The following AKR1D1 variants were observed in gnomAD, a reference collection of about 807,000 sequenced individuals.
The protein encoded by AKR1D1 is delta(4)-3-ketosteroid 5-beta-reductase.
Under a neutral mutation model 42.6 loss-of-function variants are expected in AKR1D1, and 32 were observed. The observed-to-expected ratio is 0.75, with a 90% CI of 0.57 to 1.01. AKR1D1 has a LOEUF of 1.01. Among genes scored for constraint, AKR1D1 ranks in the 50% least tolerant of loss-of-function variants. AKR1D1 has a pLI of 0.00. For missense variants in AKR1D1, 364 were observed against 402.2 expected (o/e 0.91, Z 0.81); for synonymous variants, 123 against 135.5 (o/e 0.91, Z 0.64).
At chr7:138,099,685 A>G (rs1794251741) in intron 4 of AKR1D1, among the ~76,000 whole-genome samples, 1 of 151,900 alleles carries the variant, frequency 6.6e-6, no homozygotes, top group African/African-American at 2.4e-5. Flanking sequence ...GGACTCTAAG[A>G]AAAAAGAAAG....
chr7:138,111,113 T>C (rs1488917621), intron 7 of AKR1D1, among the ~76,000 whole-genome samples: 1 of 152,150 alleles, frequency 6.6e-6, no homozygotes, highest in Non-Finnish European at 1.5e-5. Flanking sequence ...GAAATTGCAA[T>C]AACAACTTCC....
intron 8 of AKR1D1, among the ~76,000 whole-genome samples, chr7:138,116,201 G>C (rs1224305686): frequency 1.3e-5 from 2 of 152,120 alleles, no homozygotes; most frequent in Admixed American, 1.3e-4. Flanking sequence ...AGAAAAAAAT[G>C]CTAATCAGCA....
intron 3 of AKR1D1, among the ~76,000 whole-genome samples, chr7:138,095,303 TC>T (rs1794163179): frequency 6.6e-6 from 1 of 152,112 alleles, no homozygotes; most frequent in South Asian, 2.1e-4. Context: ...GTTGAGAAAT[TC>T]AAAGTGCTTA....
At chr7:138,089,263 A>C in intron 2 of AKR1D1, among the ~76,000 whole-genome samples, 1 of 151,860 alleles carries the variant, frequency 6.6e-6, no homozygotes, top group African/African-American at 2.4e-5. Context: ...AGGCAGGAGG[A>C]TGGCTTGAGC....
chr7:138,110,250 G>A (rs1481496462), intron 7 of AKR1D1, among the ~76,000 whole-genome samples: 1 of 151,634 alleles, frequency 6.6e-6, no homozygotes, highest in Non-Finnish European at 1.5e-5. Context: ...AGAATAAAGG[G>A]AAAAATAAAT....
intron 2 of AKR1D1, among the ~76,000 whole-genome samples, chr7:138,089,350 CAA>C (rs34727188): frequency 2.5e-5 from 3 of 122,386 alleles, no homozygotes; most frequent in Admixed American, 8.7e-5. Flanking sequence ...GACCCTCTCT[CAA>C]AAAAAAAAAA....
chr7:138,106,022 A>G lies in AKR1D1; in HGVS notation c.580-586A>G, dbSNP rs114422740. On this transcript the variant is annotated intron_variant, in intron 5 of 8. Coordinates refer to ENST00000242375, the MANE Select transcript of AKR1D1 (RefSeq NM_005989.4). ...AAGACAAATTGCAAGACTGGTACAC[A>G]TGAAAAAAAACTCACTATTAATTAG... 2.8e-3 allele frequency among the ~76,000 whole-genome samples: 424 copies of G among 152,138 alleles called. 2 individuals are homozygous for G. Among genetic ancestry groups the G allele is most frequent in the African/African-American group, 9.8e-3 (406 of 41,366 alleles).
At chr7:138,085,054 CA>C (rs58253168) in intron 1 of AKR1D1, among the ~76,000 whole-genome samples, 43 of 70,836 alleles carry the variant, frequency 6.1e-4, no homozygotes, top group Middle Eastern at 0.011. Flanking sequence ...GACTCCGTCT[CA>C]AAAAAAAAAA....
In AKR1D1 at chr7:138,076,618, T is replaced by C; in HGVS notation, c.93+7T>C. The C allele has an allele frequency of 1.9e-6, 3 of 1,601,028 alleles. No individual in the cohort carries two copies. The highest frequency in any genetic ancestry group is 2.2e-5 in the South Asian group (2 of 90,812). On this transcript the variant is annotated splice_region_variant and intron_variant, in intron 1 of 8. Transcript: ENST00000242375. ...CTACTCAGAACCTAAATCGGTAAGC[T>C]TATTTTTTCTCTCTTTGCTTGCTTG...
intron 2 of AKR1D1, 143 bp from the exon 3 acceptor site, chr7:138,091,625 T>C: frequency 1.5e-6 from 1 of 670,808 alleles, no homozygotes; most frequent in Non-Finnish European, 2.7e-6. Flanking sequence ...AGCCCAGGAG[T>C]TAAAGACCAG....
At chr7:138,111,881 A>G (rs1794543815) in intron 7 of AKR1D1, among the ~76,000 whole-genome samples, 1 of 152,210 alleles carries the variant, frequency 6.6e-6, no homozygotes, top group Non-Finnish European at 1.5e-5. Flanking sequence ...CCACAACATG[A>G]CATCCTCTAT....
At chr7:138,108,214 T>A (rs1387408219) in intron 7 of AKR1D1, among the ~76,000 whole-genome samples, 1 of 152,166 alleles carries the variant, frequency 6.6e-6, no homozygotes, top group East Asian at 1.9e-4. Flanking sequence ...CGTTGTAACT[T>A]CCAAGTGAAG....
chr7:138,111,068 A>G (rs534795158), intron 7 of AKR1D1, among the ~76,000 whole-genome samples: 4 of 152,240 alleles, frequency 2.6e-5, no homozygotes, highest in African/African-American at 7.2e-5. Context: ...CTTGTCCTAT[A>G]TATTTCAGCC....
At chr7:138,088,814 C>T (rs549776565) in intron 2 of AKR1D1, 46 bp downstream of exon 2, 1 of 1,544,422 alleles carries the variant, frequency 6.5e-7, no homozygotes, top group Admixed American at 2.0e-5. Flanking sequence ...GAGAAGGTTT[C>T]AGTTGTTCAT....
chr7:138,106,561 C>A, intron 5 of AKR1D1, 47 bp from the exon 6 acceptor site: 1 of 1,445,358 alleles, frequency 6.9e-7, no homozygotes, highest in Non-Finnish European at 9.7e-7. Context: ...TTGCATTCAA[C>A]AACGTGGCCT....
chr7:138,088,357 A>G (rs1200634249), intron 1 of AKR1D1, among the ~76,000 whole-genome samples: 4 of 152,092 alleles, frequency 2.6e-5, no homozygotes, highest in Non-Finnish European at 4.4e-5. Flanking sequence ...ATCAAATCAC[A>G]TTTTTGATGC....
At chr7:138,113,144 C>A (rs184030379) in intron 7 of AKR1D1, among the ~76,000 whole-genome samples, 1 of 152,076 alleles carries the variant, frequency 6.6e-6, no homozygotes, top group Non-Finnish European at 1.5e-5. Context: ...TGGTGAAACC[C>A]CATCTCTACA....
intron 5 of AKR1D1, among the ~76,000 whole-genome samples, chr7:138,105,953 G>T (rs1794417323): frequency 6.6e-6 from 1 of 151,638 alleles, no homozygotes; most frequent in Admixed American, 6.6e-5. Context: ...AAACACTAAG[G>T]CTCAACAGAA....
At chr7:138,106,386 A>G (rs1794433390) in intron 5 of AKR1D1, among the ~76,000 whole-genome samples, 1 of 152,238 alleles carries the variant, frequency 6.6e-6, no homozygotes, top group African/African-American at 2.4e-5. Context: ...GTTACAAGAC[A>G]TTCATATTAT....
Sources: allele counts gnomAD v4.1 joint callset (sites outside exome capture counted in the v4.1 genomes callset), GRCh38; gene constraint gnomAD v4.1.1; transcripts MANE v1.5; gene names NCBI Gene and HGNC (gene_info 2026-07-23, HGNC 2026-07-21).